SCOC: variants seen among roughly 807,000 people sequenced by gnomAD.
SCOC encodes short coiled-coil protein, also known as short coiled coil protein.
In SCOC, 7 loss-of-function variants were observed where a neutral mutation model predicts 9.9. That is an observed-to-expected ratio of 0.71 (90% confidence interval 0.40 to 1.33). The LOEUF (loss-of-function observed/expected upper bound fraction) is 1.33, where lower values mean the gene tolerates loss of function less well. SCOC is among the 40% of genes most tolerant of loss of function. SCOC has a pLI of 0.01. For missense variants in SCOC, 66 were observed against 89.7 expected (o/e 0.74, Z 1.07); for synonymous variants, 19 against 28.2 (o/e 0.67, Z 1.03).
intron 2 of SCOC, among the ~76,000 whole-genome samples, chr4:140,353,963 T>C (rs1446394291): frequency 6.6e-6 from 1 of 152,254 alleles, no homozygotes; most frequent in Non-Finnish European, 1.5e-5. Flanking sequence ...CTCAGAGCAC[T>C]TGCCTGCGCA....
intron 1 of SCOC, among the ~76,000 whole-genome samples, chr4:140,258,730 C>A (rs1730565658): frequency 6.6e-6 from 1 of 152,082 alleles, no homozygotes; most frequent in African/African-American, 2.4e-5. Flanking sequence ...TGAGTAAGCC[C>A]CAAGAATAGC....
rs138813597 is a variant in SCOC, at chr4:140,272,167, G to A, written c.-19+14757G>A. Among the ~76,000 whole-genome samples, 758 of 150,818 alleles carry A rather than the reference G, an allele frequency of 5.0e-3. 3 individuals are homozygous for A. The highest frequency in any genetic ancestry group is 0.01 in the Middle Eastern group (3 of 292). ...GACCTCCTGGGCTTCTCCCACCTCA[G>A]CCCCCATGAGTAACTGGGACTACAG... On this transcript the variant is annotated intron_variant, in intron 1 of 4. Transcript: ENST00000394205.
At chr4:140,379,417 T>C in intron 2 of SCOC, 152 bp from the exon 3 acceptor site, 1 of 689,996 alleles carries the variant, frequency 1.4e-6, no homozygotes, top group Non-Finnish European at 2.5e-6. Flanking sequence ...GGTGGTATTA[T>C]CTGCAATTTG....
chr4:140,379,297 T>G, intron 2 of SCOC, 105 bp downstream of exon 2: 1 of 832,258 alleles, frequency 1.2e-6, no homozygotes, highest in Non-Finnish European at 2.0e-6. Context: ...GACTTTGATC[T>G]TGGCTAATTA....
chr4:140,262,787 G>A (rs1376928781), intron 1 of SCOC, among the ~76,000 whole-genome samples: 1 of 151,946 alleles, frequency 6.6e-6, no homozygotes. Context: ...GGGCGAAGGG[G>A]AAGCAAGAAC....
At chr4:140,369,768 G>A (rs1351489376), upstream of SCOC, among the ~76,000 whole-genome samples, 1 of 150,358 alleles carries the variant, frequency 6.7e-6, no homozygotes, top group Non-Finnish European at 1.5e-5. Context: ...AGTCCAGGTC[G>A]CATGAATGTT....
intron 1 of SCOC, chr4:140,376,835 C>T (rs1202133355): frequency 6.6e-6 from 1 of 152,070 alleles, no homozygotes. Context: ...AAATATTAGT[C>T]TGAAACATAA....
chr4:140,363,689 C>T (rs10004543), intron 2 of SCOC, among the ~76,000 whole-genome samples: 145,796 of 152,326 alleles, frequency 0.96, 69,833 homozygotes, highest in East Asian at 0.99. Context: ...CCACTTCCTG[C>T]TGCTATTGCT....
intron 2 of SCOC, among the ~76,000 whole-genome samples, chr4:140,346,670 T>A (rs758782206): frequency 1.3e-5 from 2 of 152,210 alleles, no homozygotes; most frequent in Non-Finnish European, 2.9e-5. Flanking sequence ...CAGTAGTTAC[T>A]CAAGTCACAA....
intron 1 of SCOC, among the ~76,000 whole-genome samples, chr4:140,288,704 C>T (rs897552276): frequency 6.6e-6 from 1 of 151,948 alleles, no homozygotes; most frequent in African/African-American, 2.4e-5. Flanking sequence ...TGTGCCCCAA[C>T]ACCCTACACA....
chr4:140,342,670 T>C (rs375911370), upstream of SCOC, among the ~76,000 whole-genome samples: 3 of 152,356 alleles, frequency 2.0e-5, no homozygotes, highest in African/African-American at 7.2e-5. Context: ...CTGCTTAAAA[T>C]GCTTCATCAA....
chr4:140,302,891 C>T (rs563280110), intron 1 of SCOC, among the ~76,000 whole-genome samples: 14 of 151,434 alleles, frequency 9.2e-5, no homozygotes, highest in African/African-American at 1.7e-4. Context: ...TATTCAAGGG[C>T]GGTTTCTTTT....
intron 1 of SCOC, among the ~76,000 whole-genome samples, chr4:140,326,651 CCCT>C (rs1426644396): frequency 2.0e-5 from 3 of 151,770 alleles, no homozygotes; most frequent in Non-Finnish European, 4.4e-5. Context: ...AGACCCCCCC[CCCT>C]ACACTGTTAG....
chr4:140,366,465 A>C (rs1247747866), intron 2 of SCOC: 1 of 1,542,388 alleles, frequency 6.5e-7, no homozygotes, highest in African/African-American at 1.4e-5. Flanking sequence ...GCTTTTGGAG[A>C]GCTGCCTTTT....
chr4:140,379,831 T>C (rs1376399462), intron 3 of SCOC, among the ~76,000 whole-genome samples, 179 bp downstream of exon 3: 1 of 152,226 alleles, frequency 6.6e-6, no homozygotes, highest in African/African-American at 2.4e-5. Context: ...TACACTTCAG[T>C]CAAGTCAAAT....
At chr4:140,281,082 C>T (rs1035060947) in intron 1 of SCOC, among the ~76,000 whole-genome samples, 1 of 152,114 alleles carries the variant, frequency 6.6e-6, no homozygotes, top group Non-Finnish European at 1.5e-5. Flanking sequence ...CTGGGCATCC[C>T]ATCTCATCCT....
intron 1 of SCOC, among the ~76,000 whole-genome samples, chr4:140,291,093 C>T (rs1731457093): frequency 6.6e-6 from 1 of 152,234 alleles, no homozygotes; most frequent in South Asian, 2.1e-4. Context: ...CACAACAGGG[C>T]TTGCTGGACC....
chr4:140,324,802 T>C (rs1732598441), intron 1 of SCOC, among the ~76,000 whole-genome samples: 2 of 152,000 alleles, frequency 1.3e-5, no homozygotes, highest in African/African-American at 4.8e-5. Context: ...CAAAATCCAG[T>C]AAGCTTTTTA....
intron 2 of SCOC, among the ~76,000 whole-genome samples, chr4:140,344,958 C>A (rs11943800): frequency 0.2 from 30,962 of 152,004 alleles, 3,471 homozygotes; most frequent in South Asian, 0.32. Flanking sequence ...TGGTGCCAGG[C>A]CTTTCTACAG....
Sources: allele counts gnomAD v4.1 joint callset (sites outside exome capture counted in the v4.1 genomes callset), GRCh38; gene constraint gnomAD v4.1.1; transcripts MANE v1.5; gene names NCBI Gene and HGNC (gene_info 2026-07-23, HGNC 2026-07-21).